JAK1: variants seen among roughly 807,000 people sequenced by gnomAD.
JAK1 encodes the protein tyrosine-protein kinase JAK1.
JAK1 carries 16 observed loss-of-function variants against 136.6 expected under a neutral mutation model. The observed-to-expected ratio is 0.12, with a 90% CI of 0.08 to 0.18. JAK1 has a LOEUF of 0.18. Among genes scored for constraint, JAK1 ranks in the 10% least tolerant of loss-of-function variants. JAK1 has a pLI of 1.00. For missense variants in JAK1, 859 were observed against 1,450.1 expected (o/e 0.59, Z 6.62); for synonymous variants, 492 against 519.5 (o/e 0.95, Z 0.72).
chr1:64,869,236 A>T, intron 6 of JAK1, 75 bp downstream of exon 6: 1 of 1,400,232 alleles, frequency 7.1e-7, no homozygotes, highest in Non-Finnish European at 1.0e-6. Flanking sequence ...GGCAGTAATT[A>T]AGCTGAAATG....
intron 1 of JAK1, among the ~76,000 whole-genome samples, chr1:64,929,008 A>C (rs573028868): frequency 6.6e-6 from 1 of 152,178 alleles, no homozygotes; most frequent in Non-Finnish European, 1.5e-5. Flanking sequence ...TATCTTGTAA[A>C]TATGTCACTG....
chr1:64,898,774 C>T (rs1217544513), intron 1 of JAK1, among the ~76,000 whole-genome samples: 1 of 152,220 alleles, frequency 6.6e-6, no homozygotes, highest in African/African-American at 2.4e-5. Flanking sequence ...ACCAAGCTCT[C>T]TGATGTATGT....
intron 1 of JAK1, among the ~76,000 whole-genome samples, chr1:64,958,624 A>G (rs6659146): frequency 0.66 from 100,419 of 152,122 alleles, 35,568 homozygotes; most frequent in Middle Eastern, 0.88. Flanking sequence ...TTAATAACAA[A>G]ATTTTTATCT....
Position 64,857,715 on chromosome 1 carries a change from A to G in JAK1, c.1399T>C (p.Trp467Arg). The G allele has an allele frequency of 6.2e-7, 1 of 1,614,144 alleles. No individual in the cohort carries two copies. Among genetic ancestry groups the G allele is most frequent in the Non-Finnish European group, 8.5e-7 (1 of 1,180,018 alleles). The change falls in exon 10 of 25, where the codon TGG becomes CGG. Residue 467 changes from tryptophan to arginine, a missense_variant. Trp to Arg is a moderately radical substitution (Grantham distance 101). Around this residue, in one of 4 missense-constraint regions of JAK1, gnomAD observed 409 missense variants for 753.8 expected, o/e 0.54. Coordinates refer to ENST00000342505, the MANE Select transcript of JAK1 (RefSeq NM_002227.4). The part of the protein sequence containing the change: ...GSEEGMYVLR[W>R]SCTDFDNILM... ...ATGTTGTCAAAGTCGGTGCAGCTCC[A>G]CCTCAGCACGTACATCCCCTCCTCG... is the stretch of plus-strand genomic sequence containing the variant.
Position 64,869,452 on chromosome 1 carries a change from C to T in JAK1, c.506G>A (p.Cys169Tyr). Reference protein sequence around the residue: ...FAQGQYDLVKCLAPIRDPKTE... With the variant: ...FAQGQYDLVKYLAPIRDPKTE... ...CTTGGGGTCTCGAATAGGAGCCAGG[C>T]ATTTCACCAAATCATACTGTCCCTA... The change falls in exon 6 of 25, where the codon TGC (cysteine) becomes TAC (tyrosine). Residue 169 changes from cysteine to tyrosine, a missense_variant. Cys to Tyr is a radical substitution (Grantham distance 194). Coordinates refer to ENST00000342505, the MANE Select transcript of JAK1 (RefSeq NM_002227.4). The T allele has an allele frequency of 1.2e-6, 2 of 1,613,990 alleles. No homozygotes were observed. The highest frequency in any genetic ancestry group is 1.7e-6 in the Non-Finnish European group (2 of 1,179,928).
At chr1:65,062,291 C>T (rs1282713275) in intron 1 of JAK1, among the ~76,000 whole-genome samples, 1 of 152,196 alleles carries the variant, frequency 6.6e-6, no homozygotes, top group Non-Finnish European at 1.5e-5. Flanking sequence ...TCACCACTCT[C>T]ACCCCCCGGA....
intron 1 of JAK1, among the ~76,000 whole-genome samples, chr1:65,047,818 C>T (rs1396245951): frequency 2.6e-5 from 4 of 151,724 alleles, no homozygotes; most frequent in South Asian, 2.1e-4. Context: ...TTAGTGTGGA[C>T]GTACTGTGTG....
Position 64,879,068 on chromosome 1 carries a change from T to A in JAK1, c.286A>T (p.Thr96Ser), listed in dbSNP as rs769890595. ...KLWYAPNRTI[T>S]VDDKMSLRLH... The stretch of plus-strand genomic sequence containing the variant: ...CGGAGGGACATCTTGTCATCAACGG[T>A]GATGGTGCGATTTGGAGCATACCAG... The change falls in exon 4 of 25, where the codon ACC becomes TCC. Residue 96 changes from threonine (T) to serine (S), a missense_variant. Physicochemically the swap from Thr to Ser is moderately conservative, Grantham distance 58. Around this residue, in one of 4 missense-constraint regions of JAK1, gnomAD observed 353 missense variants for 494.0 expected, o/e 0.71. Transcript: ENST00000342505. 6.2e-7 allele frequency: 1 copy of A among 1,613,914 alleles called. No individual in the cohort carries two copies. The highest frequency in any genetic ancestry group is 2.2e-5 in the East Asian group (1 of 44,864).
chr1:65,063,402 A>G lies in JAK1; in HGVS notation c.-181+4202T>C, dbSNP rs560251688. Reference sequence around the variant, plus strand: ...TTTACACTAATCTCCCTAATATAACAGTAATAATGTAATACTTGGGGTCCC... The same window carrying G: ...TTTACACTAATCTCCCTAATATAACGGTAATAATGTAATACTTGGGGTCCC... On this transcript the variant is annotated intron_variant, in intron 1 of 25. Coordinates refer to the JAK1 transcript ENST00000671954. Among the ~76,000 whole-genome samples, 21 of 152,354 alleles carry G rather than the reference A, an allele frequency of 1.4e-4. No homozygotes were observed. The South Asian group carries it at 4.3e-3, about 32-fold the overall frequency.
chr1:64,931,879 G>A (rs1201044550), intron 1 of JAK1, among the ~76,000 whole-genome samples: 5 of 151,692 alleles, frequency 3.3e-5, no homozygotes, highest in Non-Finnish European at 7.4e-5. Context: ...CCTATTAATG[G>A]AAGTGTTGTT....
chr1:64,851,787 G>A (rs962976969), intron 11 of JAK1, among the ~76,000 whole-genome samples: 3 of 152,198 alleles, frequency 2.0e-5, no homozygotes, highest in Non-Finnish European at 4.4e-5. Flanking sequence ...AGACTTGTAT[G>A]TTTTCATCAA....
rs549867673 is a variant in JAK1, at chr1:64,951,504, G to C, written c.-78+14829C>G. Among the ~76,000 whole-genome samples, 4 of 152,234 alleles carry C rather than the reference G, an allele frequency of 2.6e-5. No homozygotes were observed. In the East Asian group the frequency reaches 7.7e-4, roughly 29 times the overall value. On this transcript the variant is annotated intron_variant, in intron 1 of 24. Coordinates refer to ENST00000342505, the MANE Select transcript of JAK1 (RefSeq NM_002227.4). Reference sequence around the variant, plus strand: ...AGTGTACAAAGGTCAGCAACAGTGAGGACAATTAACCAAGGAAGTGCAATA... The same window carrying C: ...AGTGTACAAAGGTCAGCAACAGTGACGACAATTAACCAAGGAAGTGCAATA...
upstream of JAK1, among the ~76,000 whole-genome samples, chr1:64,970,134 CAAAAAA>C (rs1232133832): frequency 1.1e-3 from 54 of 49,508 alleles, 1 homozygote; most frequent in Non-Finnish European, 1.4e-3. Flanking sequence ...GACCCTGTCT[CAAAAAA>C]AAAAAAAAAA....
At chr1:64,967,361 G>A (rs139956925), upstream of JAK1, among the ~76,000 whole-genome samples, 3 of 152,156 alleles carry the variant, frequency 2.0e-5, no homozygotes, top group East Asian at 1.9e-4. Flanking sequence ...TCACCTGAAG[G>A]GACCACGAAC....
chr1:64,863,932 A>T lies in JAK1; in HGVS notation c.1176+855T>A, dbSNP rs565755166. Among the ~76,000 whole-genome samples, 14 of 152,354 alleles carry T rather than the reference A, an allele frequency of 9.2e-5. No individual in the cohort carries two copies. The East Asian group carries it at 2.5e-3, about 27-fold the overall frequency. ...TCTGGAAGATAGATTCATTCTCTAG[A>T]TTCCTGAACAGAGGGATATATAAAT... is the stretch of plus-strand genomic sequence containing the variant. On this transcript the variant is annotated intron_variant, in intron 8 of 24. Coordinates refer to ENST00000342505, the MANE Select transcript of JAK1 (RefSeq NM_002227.4).
At chr1:64,977,555 C>A (rs964675245) in intron 2 of JAK1, among the ~76,000 whole-genome samples, 11 of 151,686 alleles carry the variant, frequency 7.3e-5, no homozygotes, top group African/African-American at 2.7e-4. Context: ...CTCAGCCTCC[C>A]GACTAGGTGG....
Position 64,867,217 on chromosome 1 carries a change from C to T in JAK1, c.648-9G>A. The T allele has an allele frequency of 1.1e-5, 18 of 1,572,524 alleles. No homozygotes were observed. Among genetic ancestry groups the T allele is most frequent in the Non-Finnish European group, 1.3e-5 (15 of 1,154,172 alleles). On this transcript the variant is annotated splice_polypyrimidine_tract_variant and intron_variant, in intron 6 of 24. Coordinates refer to ENST00000342505, the MANE Select transcript of JAK1 (RefSeq NM_002227.4). ...GAATATATCGCTTGTAGCTAAAAGA[C>T]AGTAGAAAAGTACATCTCCTTTTCA... is the stretch of plus-strand genomic sequence containing the variant.
intron 3 of JAK1, among the ~76,000 whole-genome samples, chr1:64,882,983 A>G (rs953792124): frequency 6.6e-6 from 1 of 152,230 alleles, no homozygotes; most frequent in Non-Finnish European, 1.5e-5. Flanking sequence ...GGAAATGAGA[A>G]CTGAGCCTGG....
intron 2 of JAK1, among the ~76,000 whole-genome samples, chr1:64,976,412 C>T (rs1396285136): frequency 1.3e-5 from 2 of 152,200 alleles, no homozygotes; most frequent in Non-Finnish European, 2.9e-5. Context: ...TTTGCAATTC[C>T]TGCAGATCAA....
Sources: allele counts gnomAD v4.1 joint callset (sites outside exome capture counted in the v4.1 genomes callset), GRCh38; gene constraint gnomAD v4.1.1; regional missense constraint gnomAD v4.1.1; transcripts MANE v1.5; gene names NCBI Gene and HGNC (gene_info 2026-07-23, HGNC 2026-07-21).